The following VPS13B variants were observed in gnomAD, a reference collection of about 807,000 sequenced individuals.
VPS13B encodes the protein intermembrane lipid transfer protein VPS13B.
A neutral mutation model predicts 426.4 loss-of-function variants in VPS13B; 285 were observed. That is an observed-to-expected ratio of 0.67 (90% CI 0.61 to 0.74). The LOEUF (loss-of-function observed/expected upper bound fraction) is 0.74. VPS13B is among the 30% of genes least tolerant of loss of function. The probability of loss-of-function intolerance (pLI) is 0.00; values close to 1 mark genes in which losing one functional copy is unlikely to be tolerated. For synonymous variants in VPS13B, 1,676 were observed against 1,676.4 expected, an observed-to-expected ratio of 1.00 and a Z score of 0.01; for missense variants, 4,537 against 4,782.6, an observed-to-expected ratio of 0.95 and a Z score of 1.51.
At chr8:99,431,369 G>A (rs1468581969) in intron 21 of VPS13B, among the ~76,000 whole-genome samples, 168 bp from the exon 22 acceptor site, 1 of 152,032 alleles carries the variant, frequency 6.6e-6, no homozygotes, top group Non-Finnish European at 1.5e-5. Context: ...TTGAATACTT[G>A]CAAAAATCAG....
At chr8:99,472,518 A>G (rs1451395276) in intron 24 of VPS13B, among the ~76,000 whole-genome samples, 2 of 151,962 alleles carry the variant, frequency 1.3e-5, no homozygotes, top group Admixed American at 1.3e-4. Flanking sequence ...CACTAAAAAA[A>G]AACTGGATAA....
chr8:99,556,397 T>G, intron 30 of VPS13B, 53 bp from the exon 31 acceptor site: 1 of 1,561,292 alleles, frequency 6.4e-7, no homozygotes, highest in Non-Finnish European at 8.7e-7. Context: ...CATAGAATGG[T>G]TATTTTATCT....
intron 52 of VPS13B, 64 bp downstream of exon 52, chr8:99,832,716 G>T: frequency 6.5e-7 from 1 of 1,542,020 alleles, no homozygotes; most frequent in Middle Eastern, 2.3e-4. Flanking sequence ...TCATCTAGAT[G>T]CCAAGAGAGA....
intron 2 of VPS13B, among the ~76,000 whole-genome samples, chr8:99,021,279 A>C (rs1841869512): frequency 6.6e-6 from 1 of 152,188 alleles, no homozygotes; most frequent in Admixed American, 6.5e-5. Flanking sequence ...CGTTATATGT[A>C]AGGAATAAAG....
At chr8:99,536,541 G>A (rs150575890) in intron 30 of VPS13B, 3 of 430,678 alleles carry the variant, frequency 7.0e-6, no homozygotes, top group East Asian at 5.9e-5. Flanking sequence ...ATATACATAT[G>A]TGTGTGGCAT....
rs1422610816 is a variant in VPS13B, at chr8:99,619,570, G to C, written c.5221-22241G>C. Among the ~76,000 whole-genome samples the C allele has an allele frequency of 2.6e-5, 4 of 152,216 alleles. No individual in the cohort carries two copies. The East Asian group carries it at 5.8e-4, about 22-fold the overall frequency. On this transcript the variant is annotated intron_variant, in intron 33 of 61. Coordinates refer to ENST00000357162, the MANE Select transcript of VPS13B (RefSeq NM_152564.5). ...CTCAGTTTCCCCACAATTTTATAATGATTAAAAATAATGTAGTCTGGCCAG... is the reference window on the plus strand; with the variant it reads ...CTCAGTTTCCCCACAATTTTATAATCATTAAAAATAATGTAGTCTGGCCAG...
At chr8:99,412,411 C>G (rs550309172) in intron 21 of VPS13B, among the ~76,000 whole-genome samples, 5 of 152,276 alleles carry the variant, frequency 3.3e-5, no homozygotes, top group African/African-American at 1.2e-4. Context: ...GATTTTTGCA[C>G]ATTGATTTTG....
chr8:99,635,176 A>C (rs1329124179), intron 33 of VPS13B, among the ~76,000 whole-genome samples: 1 of 151,960 alleles, frequency 6.6e-6, no homozygotes, highest in Non-Finnish European at 1.5e-5. Context: ...AAACCATTAA[A>C]ATACTGTAAC....
At position 99,034,726 on chromosome 8, in the gene VPS13B, G is replaced by A. The variant is rs1433905964; in HGVS notation, c.148-3697G>A. ...GACCCAAATTGTATTGTGACCCTAT[G>A]CTAGCCTTACTCTTATTGCTGCTGA... On this transcript the variant is annotated intron_variant, in intron 2 of 61. Transcript: ENST00000357162. Among the ~76,000 whole-genome samples the A allele has an allele frequency of 5.3e-5, 8 of 152,216 alleles. No individual in the cohort carries two copies. In the East Asian group the frequency reaches 1.3e-3, roughly 26 times the overall value.
chr8:99,603,127 TACA>T (rs1438237971), intron 33 of VPS13B, among the ~76,000 whole-genome samples: 1 of 152,200 alleles, frequency 6.6e-6, no homozygotes, highest in Middle Eastern at 3.2e-3. Flanking sequence ...GAAAAAATGA[TACA>T]ACGACATTCC....
At chr8:99,021,206 C>A (rs1841865419) in intron 2 of VPS13B, among the ~76,000 whole-genome samples, 1 of 152,212 alleles carries the variant, frequency 6.6e-6, no homozygotes, top group South Asian at 2.1e-4. Flanking sequence ...GAGTGGCTTG[C>A]AAAAGCCTAA....
intron 35 of VPS13B, among the ~76,000 whole-genome samples, chr8:99,681,425 C>T (rs1831150621): frequency 6.6e-6 from 1 of 152,200 alleles, no homozygotes; most frequent in African/African-American, 2.4e-5. Context: ...GGTCCAGTCC[C>T]TCCAGGGTGA....
intron 36 of VPS13B, among the ~76,000 whole-genome samples, chr8:99,714,308 ATAAT>A (rs1435090669): frequency 6.6e-6 from 1 of 152,160 alleles, no homozygotes; most frequent in Non-Finnish European, 1.5e-5. Context: ...ATATAAATAA[ATAAT>A]TGAATTAGTA....
At chr8:99,870,699 A>G in intron 59 of VPS13B, 86 bp from the exon 60 acceptor site, 1 of 1,231,044 alleles carries the variant, frequency 8.1e-7, no homozygotes, top group East Asian at 2.3e-5. Flanking sequence ...CATTTTATGG[A>G]TGGCTCTGAA....
At chr8:99,303,165 A>C (rs1382678053) in intron 19 of VPS13B, among the ~76,000 whole-genome samples, 1 of 149,562 alleles carries the variant, frequency 6.7e-6, no homozygotes, top group Non-Finnish European at 1.5e-5. Flanking sequence ...CTGTAATCCC[A>C]GCTACTTGGG....
chr8:99,239,188 A>T (rs1284941675), intron 17 of VPS13B, among the ~76,000 whole-genome samples: 1 of 152,166 alleles, frequency 6.6e-6, no homozygotes, highest in Non-Finnish European at 1.5e-5. Flanking sequence ...ACTGACCCTT[A>T]TTCTCCTGGC....
At chr8:99,094,122 C>T (rs1216171359) in intron 3 of VPS13B, 1 of 152,152 alleles carries the variant, frequency 6.6e-6, no homozygotes, top group African/African-American at 2.4e-5. Flanking sequence ...TATGACATCA[C>T]CATAATCTAT....
intron 35 of VPS13B, among the ~76,000 whole-genome samples, chr8:99,690,011 A>G (rs1333955543): frequency 1.3e-5 from 2 of 152,124 alleles, no homozygotes; most frequent in African/African-American, 4.8e-5. Context: ...TGTTCTAATG[A>G]TCATCTGTTA....
intron 39 of VPS13B, among the ~76,000 whole-genome samples, chr8:99,741,782 C>G (rs1460301275): frequency 6.6e-6 from 1 of 151,494 alleles, no homozygotes; most frequent in South Asian, 2.1e-4. Context: ...CCAATGAGAA[C>G]AAAGACACAA....
Sources: allele counts gnomAD v4.1 joint callset (sites outside exome capture counted in the v4.1 genomes callset), GRCh38; gene constraint gnomAD v4.1.1; transcripts MANE v1.5; gene names NCBI Gene and HGNC (gene_info 2026-07-23, HGNC 2026-07-21).